SP6: variants seen among roughly 807,000 people sequenced by gnomAD.
SP6 encodes transcription factor Sp6.
Under a neutral mutation model 23.4 loss-of-function variants are expected in SP6, and 10 were observed. The observed-to-expected ratio is 0.43, with a 90% CI of 0.26 to 0.72. The LOEUF (loss-of-function observed/expected upper bound fraction) is 0.72, where lower values mean the gene tolerates loss of function less well. Ranked by LOEUF, SP6 falls within the 30% of genes least tolerant of loss-of-function variation. SP6 has a pLI of 0.23. For synonymous variants in SP6, 238 were observed against 238.7 expected (o/e 1.00, Z 0.03); for missense variants, 482 against 523.8 (o/e 0.92, Z 0.78).
At chr17:47,874,512 G>C in the SP6 span, among the ~76,000 whole-genome samples, 2 of 152,160 alleles carry the variant, frequency 1.3e-5, no homozygotes, top group African/African-American at 4.8e-5. Context: ...TTCGAGTCTA[G>C]CCTGGACAAC....
At chr17:47,857,928 C>T (rs115483412), upstream of SP6, among the ~76,000 whole-genome samples, 70 of 150,908 alleles carry the variant, frequency 4.6e-4, no homozygotes, top group African/African-American at 1.7e-3. Flanking sequence ...CCCACACGAG[C>T]CACCTCCCCC....
At chr17:47,875,445 C>T in the SP6 span, among the ~76,000 whole-genome samples, 1 of 152,160 alleles carries the variant, frequency 6.6e-6, no homozygotes, top group Admixed American at 6.5e-5. Flanking sequence ...CCCCCTCTAG[C>T]GCCAGCAACT....
chr17:47,850,456 A>G (rs556480347), intron 1 of SP6, among the ~76,000 whole-genome samples: 7 of 152,168 alleles, frequency 4.6e-5, no homozygotes, highest in South Asian at 2.1e-4. Flanking sequence ...GGTTGCCTCT[A>G]TGGTCCTTGA....
At position 47,848,249 on chromosome 17, in the gene SP6, C is replaced by T; in HGVS notation, c.181G>A (p.Val61Met). ...ELQSLPLGPE[V>M]DFSQGYELPG... ...AGCTCATAGCCCTGCGAGAAGTCCACCTCCGGGCCCAGCGGGAGGCTCTGC... is the reference window on the plus strand; with the variant it reads ...AGCTCATAGCCCTGCGAGAAGTCCATCTCCGGGCCCAGCGGGAGGCTCTGC... The change falls in exon 2 of 2, where the codon GTG becomes ATG. Residue 61 changes from valine to methionine, a missense_variant. Around this residue, in one of 3 missense-constraint regions of SP6, gnomAD observed 330 missense variants for 332.3 expected, o/e 0.99. Transcript: ENST00000536300. The surrounding 1 kb of genome is among the most constrained non-coding windows in gnomAD (Gnocchi z 5.3). 1 of 1,612,012 alleles carries T rather than the reference C, an allele frequency of 6.2e-7. No individual in the cohort carries two copies. Among genetic ancestry groups the T allele is most frequent in the Non-Finnish European group, 8.5e-7 (1 of 1,179,058 alleles).
Position 47,847,045 on chromosome 17 carries a change from G to A in SP6, c.*254C>T. 1 of 505,552 alleles carries A rather than the reference G, an allele frequency of 2.0e-6. No homozygotes were observed. The highest frequency in any genetic ancestry group is 3.5e-6 in the Non-Finnish European group (1 of 288,126). The allele number at this position is 505,552 out of a possible 1,614,324, so 31.3% of individuals were successfully genotyped here. On this transcript the variant is annotated 3_prime_UTR_variant, in exon 2 of 2. Coordinates refer to ENST00000536300, the MANE Select transcript of SP6 (RefSeq NM_001258248.2). The stretch of plus-strand genomic sequence containing the variant: ...CCCCAACCCCCCAGCCCAGGGGCGA[G>A]GGAAACTGTGAGGCAGGGGAGAACA...
the SP6 span, among the ~76,000 whole-genome samples, chr17:47,871,697 C>G: frequency 1.3e-5 from 2 of 151,892 alleles, no homozygotes; most frequent in African/African-American, 4.8e-5. Flanking sequence ...TGGCTCACCA[C>G]AACCTCTGCC....
chr17:47,858,767 CT>C (rs36092685), upstream of SP6, among the ~76,000 whole-genome samples: 9,570 of 92,056 alleles, frequency 0.1, 1,240 homozygotes, highest in Admixed American at 0.19. Flanking sequence ...GATGAAGCAT[CT>C]TTTTTTTTTT....
At chr17:47,853,650 T>C (rs997682790), upstream of SP6, among the ~76,000 whole-genome samples, 1 of 152,140 alleles carries the variant, frequency 6.6e-6, no homozygotes, top group African/African-American at 2.4e-5. Context: ...CCGAGGATGG[T>C]AGACACTCCC....
At chr17:47,865,664 C>T in the SP6 span, among the ~76,000 whole-genome samples, 7 of 152,132 alleles carry the variant, frequency 4.6e-5, no homozygotes, top group East Asian at 1.9e-4. Flanking sequence ...AGGCCAGGAT[C>T]GGAGGGTGCC....
At chr17:47,868,421 G>C in the SP6 span, among the ~76,000 whole-genome samples, 1 of 152,180 alleles carries the variant, frequency 6.6e-6, no homozygotes, top group African/African-American at 2.4e-5. Context: ...AAGTACCATG[G>C]GGACGACCCA....
the SP6 span, among the ~76,000 whole-genome samples, chr17:47,869,287 C>A: frequency 6.6e-6 from 1 of 152,202 alleles, no homozygotes; most frequent in Non-Finnish European, 1.5e-5. Context: ...TCTAATTAAC[C>A]CCGCCCAGGT....
the SP6 span, among the ~76,000 whole-genome samples, chr17:47,863,689 C>T: frequency 6.6e-6 from 1 of 151,442 alleles, no homozygotes; most frequent in Non-Finnish European, 1.5e-5. Flanking sequence ...TTGCCTCAGC[C>T]TCCCAAGTAG....
chr17:47,864,105 A>G, the SP6 span, among the ~76,000 whole-genome samples: 1 of 151,142 alleles, frequency 6.6e-6, no homozygotes, highest in Admixed American at 6.6e-5. Context: ...TGGCCTCCCA[A>G]AGTGCTGGGA....
the SP6 span, among the ~76,000 whole-genome samples, chr17:47,868,002 G>A: frequency 6.6e-6 from 1 of 151,968 alleles, no homozygotes; most frequent in African/African-American, 2.4e-5. Context: ...CCACCAGCAT[G>A]CACATGCGCA....
rs539080149 is a variant in SP6, at chr17:47,845,996, T to C, written c.*1303A>G. ...CTCCTTTCCTCTCTCCCCCACCCCA[T>C]GATCAGAATCAAAATGTGTTTCTAG... On this transcript the variant is annotated 3_prime_UTR_variant, in exon 2 of 2. Coordinates refer to ENST00000536300, the MANE Select transcript of SP6 (RefSeq NM_001258248.2). 2 of 152,196 alleles carry C rather than the reference T, an allele frequency of 1.3e-5. No individual in the cohort carries two copies. Among genetic ancestry groups the C allele is most frequent in the East Asian group, 1.9e-4 (1 of 5,164 alleles). The allele number at this position is 152,196 out of a possible 1,614,324, so 9.4% of individuals were successfully genotyped here.
At chr17:47,875,389 C>T in the SP6 span, among the ~76,000 whole-genome samples, 4 of 152,168 alleles carry the variant, frequency 2.6e-5, no homozygotes, top group Non-Finnish European at 4.4e-5. Context: ...CGTAGGCTGC[C>T]CTCACCCCTC....
At chr17:47,874,313 AT>A in the SP6 span, among the ~76,000 whole-genome samples, 6 of 152,080 alleles carry the variant, frequency 3.9e-5, no homozygotes, top group Non-Finnish European at 8.8e-5. Flanking sequence ...CTGGTCTCGA[AT>A]TCCTGGGCTC....
At chr17:47,849,061 A>G (rs1252537498) in intron 1 of SP6, among the ~76,000 whole-genome samples, 4 of 152,166 alleles carry the variant, frequency 2.6e-5, no homozygotes, top group African/African-American at 9.7e-5. Context: ...TTCACCGTCT[A>G]CGCTGCTCCC....
At chr17:47,868,007 T>C in the SP6 span, among the ~76,000 whole-genome samples, 1 of 152,000 alleles carries the variant, frequency 6.6e-6, no homozygotes, top group South Asian at 2.1e-4. Flanking sequence ...AGCATGCACA[T>C]GCGCACACAC....
Sources: allele counts gnomAD v4.1 joint callset (sites outside exome capture counted in the v4.1 genomes callset), GRCh38; gene constraint gnomAD v4.1.1; regional missense constraint gnomAD v4.1.1; non-coding constraint Gnocchi (gnomAD v3.1); transcripts MANE v1.5; gene names NCBI Gene and HGNC (gene_info 2026-07-23, HGNC 2026-07-21).